The following CD48 variants were observed in gnomAD, a reference collection of about 807,000 sequenced individuals.
The protein encoded by CD48 is CD48 antigen.
A neutral mutation model predicts 22.0 loss-of-function variants in CD48; 20 were observed. The observed-to-expected ratio is 0.91, with a 90% confidence interval of 0.64 to 1.32. The LOEUF (loss-of-function observed/expected upper bound fraction) is 1.32. Ranked by LOEUF, CD48 falls within the 40% of genes most tolerant of loss-of-function variation. CD48 has a pLI of 0.00. For missense variants in CD48, 307 were observed against 286.5 expected (o/e 1.07, Z -0.52); for synonymous variants, 110 against 110.1 (o/e 1.00, Z 0.01).
At chr1:160,706,219 C>T (rs776810648) in intron 1 of CD48, among the ~76,000 whole-genome samples, 1 of 152,110 alleles carries the variant, frequency 6.6e-6, no homozygotes, top group African/African-American at 2.4e-5. Context: ...GGATTACAGG[C>T]ATGCACCACC....
In CD48 at chr1:160,711,525, G is replaced by T. The variant is rs538402661; in HGVS notation, c.82+157C>A. ...GCTCCATTCATCAGTGCTAAGAAAG[G>T]CTCCCCAACCATGCCATGGCCATGC... On this transcript the variant is annotated intron_variant, in intron 1 of 3. Transcript: ENST00000368046. Among the ~76,000 whole-genome samples the T allele has an allele frequency of 5.3e-5, 8 of 152,248 alleles. No homozygotes were observed. The South Asian group carries it at 1.5e-3, about 28-fold the overall frequency.
At chr1:160,707,466 C>A (rs1011145447) in intron 1 of CD48, among the ~76,000 whole-genome samples, 5 of 152,030 alleles carry the variant, frequency 3.3e-5, no homozygotes, top group Admixed American at 2.0e-4. Context: ...GTTAGTGGCA[C>A]AGGTCTTGAC....
chr1:160,685,240 G>T, intron 1 of CD48, 51 bp from the exon 2 acceptor site: 1 of 1,420,366 alleles, frequency 7.0e-7, no homozygotes, highest in South Asian at 1.3e-5. Context: ...CAGTGTTGCT[G>T]ACAGGCCCAG....
At chr1:160,683,682 G>A (rs923494603) in intron 2 of CD48, 2 of 152,036 alleles carry the variant, frequency 1.3e-5, no homozygotes, top group African/African-American at 4.8e-5. Flanking sequence ...CTGTCTGGCT[G>A]GTGGAACTTG....
chr1:160,680,921 G>C (rs1031995916), intron 3 of CD48: 47 of 1,428,612 alleles, frequency 3.3e-5, no homozygotes, highest in Non-Finnish European at 4.0e-5. Flanking sequence ...CAGATGTTAG[G>C]ACTATGCTTT....
intron 2 of CD48, among the ~76,000 whole-genome samples, chr1:160,681,872 CTT>C (rs1008119583): frequency 3.3e-5 from 5 of 152,182 alleles, no homozygotes; most frequent in African/African-American, 1.2e-4. Flanking sequence ...GCTGGTCTGT[CTT>C]TCCAATTATC....
intron 1 of CD48, among the ~76,000 whole-genome samples, chr1:160,704,277 T>C (rs1206419916): frequency 6.6e-6 from 1 of 152,340 alleles, no homozygotes; most frequent in East Asian, 1.9e-4. Flanking sequence ...GACCACAGCC[T>C]CTGTCTACTC....
chr1:160,701,890 T>G (rs189713295), intron 1 of CD48, among the ~76,000 whole-genome samples: 86 of 152,222 alleles, frequency 5.6e-4, no homozygotes, highest in African/African-American at 2.0e-3. Flanking sequence ...CCCTCAAACT[T>G]TTTTCCTTGA....
At chr1:160,690,562 T>C (rs1571056917) in intron 1 of CD48, among the ~76,000 whole-genome samples, 1 of 152,130 alleles carries the variant, frequency 6.6e-6, no homozygotes, top group East Asian at 1.9e-4. Flanking sequence ...GCTTCTTGGG[T>C]CATTAAAGAC....
chr1:160,708,210 T>C (rs1185488847), intron 1 of CD48, among the ~76,000 whole-genome samples: 2 of 152,074 alleles, frequency 1.3e-5, no homozygotes, highest in African/African-American at 4.8e-5. Flanking sequence ...AACACAAAAA[T>C]GAAATTCATT....
At chr1:160,697,581 T>G (rs1362364081) in intron 1 of CD48, among the ~76,000 whole-genome samples, 1 of 152,290 alleles carries the variant, frequency 6.6e-6, no homozygotes, top group African/African-American at 2.4e-5. Flanking sequence ...ACTTATCACA[T>G]GGTAAGCGGG....
chr1:160,684,921 A>G lies in CD48; in HGVS notation c.351T>C (p.Asn117=). The G allele has an allele frequency of 6.2e-7, 1 of 1,614,008 alleles. No individual in the cohort carries two copies. Among genetic ancestry groups the G allele is most frequent in the South Asian group, 1.1e-5 (1 of 91,076 alleles). The stretch of plus-strand genomic sequence containing the variant: ...GCAGCTTGATCTTCCATTCTTGCTC[A>G]TTCCCAGTCTTTTTCAACACCCTCA... ...YIMRVLKKTG[N]EQEWKIKLQV... The change falls in exon 2 of 4, where the codon AAT becomes AAC. Residue 117 remains asparagine, a synonymous_variant. Transcript: ENST00000368046.
intron 1 of CD48, among the ~76,000 whole-genome samples, chr1:160,710,785 T>C (rs1216922441): frequency 2.0e-5 from 3 of 152,228 alleles, no homozygotes; most frequent in Non-Finnish European, 4.4e-5. Flanking sequence ...CCACACATTC[T>C]ACCTCATCTC....
At chr1:160,703,687 A>C (rs193053470) in intron 1 of CD48, among the ~76,000 whole-genome samples, 16 of 152,314 alleles carry the variant, frequency 1.1e-4, no homozygotes, top group Admixed American at 3.9e-4. Context: ...GAAAACCTAG[A>C]ATAAGGTAAG....
At chr1:160,694,709 A>G (rs914196677) in intron 1 of CD48, among the ~76,000 whole-genome samples, 7 of 152,106 alleles carry the variant, frequency 4.6e-5, no homozygotes, top group South Asian at 2.1e-4. Flanking sequence ...TAAAGTTCCA[A>G]TTGAGGCTAA....
chr1:160,685,007 G>A lies in CD48; in HGVS notation c.265C>T (p.Pro89Ser). 6.2e-7 allele frequency: 1 copy of A among 1,614,166 alleles called. No individual in the cohort carries two copies. The highest frequency in any genetic ancestry group is 8.5e-7 in the Non-Finnish European group (1 of 1,180,016). Residue 89 changes from proline (P) to serine (S), a missense_variant, in exon 2 of 4, where the codon CCT (proline) becomes TCT (serine). By Grantham distance (74) the Pro-to-Ser change is moderately conservative. Coordinates refer to ENST00000368046, the MANE Select transcript of CD48 (RefSeq NM_001778.4). The stretch of plus-strand genomic sequence containing the variant: ...GAGATGTACAGTGCGCCACTCTGAG[G>A]ATCAAGTCTGACCCTGCCTTTAAAT... ...SKFKGRVRLD[P>S]QSGALYISKV...
In CD48 at chr1:160,681,190, G is replaced by C. The variant is rs1239622146; in HGVS notation, c.652+12C>G. ...CCCTGTGCCCCCCTCAGCTCCCAGG[G>C]ATCCTTCTTACCCAGGGTACAGGGT... On this transcript the variant is annotated intron_variant, in intron 3 of 3. Transcript: ENST00000368046. The C allele has an allele frequency of 5.0e-6, 8 of 1,614,134 alleles. No individual in the cohort carries two copies. In the Admixed American group the frequency reaches 1.3e-4, roughly 27 times the overall value.
At chr1:160,680,825 C>A in intron 3 of CD48, 1 of 1,217,310 alleles carries the variant, frequency 8.2e-7, no homozygotes, top group Non-Finnish European at 1.0e-6. Flanking sequence ...TCTAATGAAG[C>A]CCCTCTAGAC....
chr1:160,679,922 T>C (rs1294897409), intron 3 of CD48, among the ~76,000 whole-genome samples: 3 of 152,230 alleles, frequency 2.0e-5, no homozygotes. Flanking sequence ...CATGGTCAGA[T>C]ACCACACTGT....
Sources: allele counts gnomAD v4.1 joint callset (sites outside exome capture counted in the v4.1 genomes callset), GRCh38; gene constraint gnomAD v4.1.1; transcripts MANE v1.5; gene names NCBI Gene and HGNC (gene_info 2026-07-23, HGNC 2026-07-21).